The following TRABD2A variants were observed in gnomAD, a reference collection of about 807,000 sequenced individuals.
The protein encoded by TRABD2A is TraB domain containing 2A, also known as metalloprotease TIKI1.
In TRABD2A, 43 loss-of-function variants were observed where a neutral mutation model predicts 45.6. The ratio of observed to expected loss-of-function variants is 0.94; its 90% CI spans 0.74 to 1.22. The LOEUF is 1.22. TRABD2A is among the 50% of genes most tolerant of loss of function. TRABD2A has a pLI of 0.00. For synonymous variants in TRABD2A, 269 were observed against 265.0 expected, an observed-to-expected ratio of 1.02 and a Z score of -0.15; for missense variants, 642 against 652.4, an observed-to-expected ratio of 0.98 and a Z score of 0.17.
At position 84,830,868 on chromosome 2, in the gene TRABD2A, G is replaced by A. The variant is rs887536801; in HGVS notation, c.1082+1187C>T. On this transcript the variant is annotated intron_variant, in intron 5 of 6. Transcript: ENST00000409520. This position sits in a 1 kb window ranked among gnomAD's most constrained non-coding sequence, Gnocchi z 4.9. ...AGAAAGAGGGCAGCTGGAGATGGGC[G>A]GCCTTCGGGCAGACACAACTGCTGG... Among the ~76,000 whole-genome samples, 7 of 152,252 alleles carry A rather than the reference G, an allele frequency of 4.6e-5. No individual in the cohort carries two copies. Among genetic ancestry groups the A allele is most frequent in the South Asian group, 4.1e-4 (2 of 4,824 alleles).
chr2:84,843,099 T>C (rs1681767065), intron 2 of TRABD2A, among the ~76,000 whole-genome samples: 1 of 151,730 alleles, frequency 6.6e-6, no homozygotes, highest in South Asian at 2.1e-4. Context: ...CCTACGAGGC[T>C]CCAGACAACA....
intron 2 of TRABD2A, among the ~76,000 whole-genome samples, chr2:84,852,607 T>C (rs1361851663): frequency 6.6e-6 from 1 of 151,948 alleles, no homozygotes; most frequent in African/African-American, 2.4e-5. Context: ...GAGGAGGGTG[T>C]TGCAGCTTGT....
chr2:84,846,519 G>T (rs1681902688), intron 2 of TRABD2A, among the ~76,000 whole-genome samples: 1 of 152,188 alleles, frequency 6.6e-6, no homozygotes. Flanking sequence ...GAAGAGCAAG[G>T]ATCCTGCCCC....
intron 1 of TRABD2A, among the ~76,000 whole-genome samples, chr2:84,878,469 G>A (rs539353101): frequency 5.3e-4 from 80 of 151,128 alleles, no homozygotes; most frequent in Non-Finnish European, 1.0e-3. Flanking sequence ...AGGTTGCAGT[G>A]AGCCAATGTA....
chr2:84,861,276 AATATC>A (rs1478618802), intron 2 of TRABD2A, among the ~76,000 whole-genome samples: 1 of 152,114 alleles, frequency 6.6e-6, no homozygotes. Context: ...ATTACTTTGT[AATATC>A]TAATAAAAGA....
At chr2:84,846,796 CTGAAGAA>C (rs1303342407) in intron 2 of TRABD2A, among the ~76,000 whole-genome samples, 2 of 152,224 alleles carry the variant, frequency 1.3e-5, no homozygotes, top group African/African-American at 4.8e-5. Context: ...AGACGGATTC[CTGAAGAA>C]ACAGTCTCTG....
intron 2 of TRABD2A, among the ~76,000 whole-genome samples, chr2:84,859,363 A>G (rs897251132): frequency 6.6e-6 from 1 of 152,252 alleles, no homozygotes; most frequent in Non-Finnish European, 1.5e-5. Flanking sequence ...GCAAGGCACT[A>G]TGCTAGACCC....
chr2:84,857,699 C>T (rs1004737984), intron 2 of TRABD2A, among the ~76,000 whole-genome samples: 3 of 152,180 alleles, frequency 2.0e-5, no homozygotes, highest in African/African-American at 7.2e-5. Context: ...TCTCACTCCC[C>T]AGCTGTCTTA....
At chr2:84,842,064 A>C in intron 2 of TRABD2A, 57 bp from the exon 3 acceptor site, 1 of 1,425,746 alleles carries the variant, frequency 7.0e-7, no homozygotes, top group Non-Finnish European at 9.2e-7. Context: ...CTGCCATCTT[A>C]TTTCTTTTGT....
chr2:84,852,305 C>A (rs944164234), intron 2 of TRABD2A, among the ~76,000 whole-genome samples: 3 of 152,146 alleles, frequency 2.0e-5, no homozygotes, highest in African/African-American at 7.2e-5. Context: ...CCAGGACAGA[C>A]CAATGCAGCA....
At chr2:84,856,692 G>A (rs192752892) in intron 2 of TRABD2A, among the ~76,000 whole-genome samples, 192 of 152,156 alleles carry the variant, frequency 1.3e-3, no homozygotes, top group African/African-American at 4.1e-3. Context: ...TTTTCTTCCC[G>A]CTGCCTCCTG....
chr2:84,823,968 A>AC lies in TRABD2A; in HGVS notation c.1318dup (p.Val440GlyfsTer7). 4 of 1,613,808 alleles carry AC rather than the reference A, an allele frequency of 2.5e-6. No individual in the cohort carries two copies. The highest frequency in any genetic ancestry group is 2.5e-6 in the Non-Finnish European group (3 of 1,179,888). The stretch of plus-strand genomic sequence containing the variant: ...CTCGCCTGACCTCTCCTCCAGGCGG[A>AC]CCCACAGATCGCTGAATTGCCGGAG... On this transcript the variant is annotated frameshift_variant, in exon 6 of 7. Transcript: ENST00000409520. LOFTEE classifies it low-confidence loss of function (END_TRUNC).
intron 2 of TRABD2A, among the ~76,000 whole-genome samples, chr2:84,848,291 T>C (rs1452106350): frequency 6.9e-6 from 1 of 144,398 alleles, no homozygotes; most frequent in Non-Finnish European, 1.5e-5. Context: ...GTCAACACAT[T>C]GTATCTCTTT....
chr2:84,835,358 A>G (rs997575563), intron 4 of TRABD2A: 1 of 152,040 alleles, frequency 6.6e-6, no homozygotes. Flanking sequence ...TATTTCTCAC[A>G]GTTCTAGAGG....
At chr2:84,835,154 G>C (rs1393469733) in intron 4 of TRABD2A, 1 of 152,126 alleles carries the variant, frequency 6.6e-6, no homozygotes, top group Non-Finnish European at 1.5e-5. Context: ...GATTATATGT[G>C]AAAGTGCAGC....
chr2:84,859,473 C>T (rs1263173030), intron 2 of TRABD2A, among the ~76,000 whole-genome samples: 1 of 152,154 alleles, frequency 6.6e-6, no homozygotes, highest in Non-Finnish European at 1.5e-5. Flanking sequence ...TAATCACCAA[C>T]AAAAGAATTA....
At chr2:84,880,810 G>A in intron 1 of TRABD2A, 122 bp downstream of exon 1, 1 of 1,445,772 alleles carries the variant, frequency 6.9e-7, no homozygotes, top group Non-Finnish European at 9.4e-7. Flanking sequence ...GCGGTGCTAG[G>A]TGAAAGCCCA....
chr2:84,878,138 T>C (rs1284064996), intron 1 of TRABD2A, among the ~76,000 whole-genome samples: 1 of 152,088 alleles, frequency 6.6e-6, no homozygotes, highest in Admixed American at 6.5e-5. Flanking sequence ...AAGAAACTCA[T>C]TGAGAGACGC....
chr2:84,858,173 C>T (rs1384044095), intron 2 of TRABD2A, among the ~76,000 whole-genome samples: 9 of 152,128 alleles, frequency 5.9e-5, no homozygotes. Context: ...GTCACCATGT[C>T]CAGCCTCTCC....
Sources: allele counts gnomAD v4.1 joint callset (sites outside exome capture counted in the v4.1 genomes callset), GRCh38; gene constraint gnomAD v4.1.1; non-coding constraint Gnocchi (gnomAD v3.1); transcripts MANE v1.5; gene names NCBI Gene and HGNC (gene_info 2026-07-23, HGNC 2026-07-21).